The following PCDHA12 variants were observed in gnomAD, a reference collection of about 807,000 sequenced individuals.
PCDHA12 encodes protocadherin alpha-12.
Under a neutral mutation model 60.0 loss-of-function variants are expected in PCDHA12, and 44 were observed. The observed-to-expected ratio is 0.73, with a 90% CI of 0.58 to 0.94. The LOEUF is 0.94. Among genes scored for constraint, PCDHA12 ranks in the 40% least tolerant of loss-of-function variants. PCDHA12 has a pLI of 0.00. For missense variants in PCDHA12, 1,276 were observed against 1,239.7 expected (o/e 1.03, Z -0.44); for synonymous variants, 569 against 553.0 (o/e 1.03, Z -0.40).
chr5:140,988,707 G>A (rs2097310016), intron 3 of PCDHA12, among the ~76,000 whole-genome samples: 1 of 152,106 alleles, frequency 6.6e-6, no homozygotes, highest in African/African-American at 2.4e-5. Context: ...TATTTTCTTG[G>A]ACCTCTCATT....
At chr5:140,969,232 C>G in intron 1 of PCDHA12, 1 of 1,614,066 alleles carries the variant, frequency 6.2e-7, no homozygotes, top group Non-Finnish European at 8.5e-7. Flanking sequence ...CTTCGGGAGC[C>G]CAAGCAGCAG....
chr5:140,879,578 A>G (rs1298190690), intron 1 of PCDHA12, among the ~76,000 whole-genome samples: 4 of 152,244 alleles, frequency 2.6e-5, no homozygotes, highest in African/African-American at 9.6e-5. Context: ...AATTGCCAAG[A>G]CAGACATTGA....
chr5:140,978,188 C>A (rs1480380395), intron 1 of PCDHA12, among the ~76,000 whole-genome samples: 2 of 152,176 alleles, frequency 1.3e-5, no homozygotes, highest in Non-Finnish European at 2.9e-5. Context: ...GGCAACAGAT[C>A]TTTTCAATAC....
At chr5:140,968,660 C>T in intron 1 of PCDHA12, 1 of 1,614,166 alleles carries the variant, frequency 6.2e-7, no homozygotes, top group Non-Finnish European at 8.5e-7. Flanking sequence ...TGACCTGGAC[C>T]TCTTTAAGGT....
chr5:140,891,330 T>C (rs995602420), intron 1 of PCDHA12, among the ~76,000 whole-genome samples: 1 of 152,108 alleles, frequency 6.6e-6, no homozygotes, highest in Non-Finnish European at 1.5e-5. Flanking sequence ...TGGTGGTGAT[T>C]TGTGAGATTT....
rs528377796 is a variant in PCDHA12, at chr5:140,957,777, T to G, written c.2368-21172T>G. The stretch of plus-strand genomic sequence containing the variant: ...TTCATTATATATGTTAAGTAAAAAC[T>G]AAGTTCATCATATATGTTAAGTAAA... On this transcript the variant is annotated intron_variant, in intron 1 of 3. Coordinates refer to ENST00000398631, the MANE Select transcript of PCDHA12 (RefSeq NM_018903.4). 8.5e-5 allele frequency among the ~76,000 whole-genome samples: 13 copies of G among 152,182 alleles called. No individual in the cohort carries two copies. The South Asian group carries it at 1.7e-3, about 19-fold the overall frequency.
In PCDHA12 at chr5:140,876,256, A is replaced by G. The variant is rs1554168418; in HGVS notation, c.784A>G (p.Ile262Val). The G allele has an allele frequency of 6.2e-7, 1 of 1,614,042 alleles. No homozygotes were observed. The highest frequency in any genetic ancestry group is 2.2e-5 in the East Asian group (1 of 44,890). ...SENVQNDTRVIQLNASDPDEG... is the reference protein window; with the variant it reads ...SENVQNDTRVVQLNASDPDEG... ...AAATGTCCAAAACGACACAAGAGTG[A>G]TCCAACTAAATGCTTCCGATCCAGA... Residue 262 changes from isoleucine (I) to valine (V), a missense_variant, in exon 1 of 4, where the codon ATC becomes GTC. Physicochemically the swap from Ile to Val is conservative, Grantham distance 29 (BLOSUM62 3). Coordinates refer to ENST00000398631, the MANE Select transcript of PCDHA12 (RefSeq NM_018903.4).
intron 1 of PCDHA12, among the ~76,000 whole-genome samples, chr5:140,893,814 T>C (rs1254433414): frequency 6.6e-6 from 1 of 152,204 alleles, no homozygotes; most frequent in Non-Finnish European, 1.5e-5. Flanking sequence ...TTGAGTCTGG[T>C]ACCGTAGACT....
intron 3 of PCDHA12, among the ~76,000 whole-genome samples, chr5:141,000,387 CTCTCTCTCTATATA>C (rs1446529556): frequency 4.5e-4 from 30 of 66,870 alleles, no homozygotes; most frequent in African/African-American, 1.4e-3. Flanking sequence ...CTCTCTCTCT[CTCTCTCTCTATATA>C]TATATATATA....
chr5:140,950,981 TG>T (rs1443074941), intron 1 of PCDHA12, among the ~76,000 whole-genome samples: 1 of 152,138 alleles, frequency 6.6e-6, no homozygotes, highest in East Asian at 1.9e-4. Context: ...CATTGACTTT[TG>T]CCTCTTTTAG....
chr5:140,908,208 C>A (rs1477430085), intron 1 of PCDHA12, among the ~76,000 whole-genome samples: 8 of 152,136 alleles, frequency 5.3e-5, no homozygotes, highest in Non-Finnish European at 1.0e-4. Context: ...TCATGCAGAA[C>A]CATCTGTGAA....
intron 1 of PCDHA12, among the ~76,000 whole-genome samples, chr5:140,944,325 T>C (rs1179163685): frequency 1.3e-5 from 2 of 152,196 alleles, no homozygotes; most frequent in East Asian, 3.9e-4. Context: ...GTAGCTGGGA[T>C]TACAAGCACG....
intron 1 of PCDHA12, among the ~76,000 whole-genome samples, chr5:140,881,841 C>T (rs1386401088): frequency 6.6e-6 from 1 of 152,182 alleles, no homozygotes; most frequent in East Asian, 1.9e-4. Context: ...GCATGGAATT[C>T]TTACACATGG....
At chr5:140,941,248 T>TTTCTTTCG (rs1563187616) in intron 1 of PCDHA12, among the ~76,000 whole-genome samples, 2 of 141,492 alleles carry the variant, frequency 1.4e-5, no homozygotes, top group Non-Finnish European at 3.1e-5. Context: ...TCTTTCTTTC[T>TTTCTTTCG]TTCTTTCTCT....
intron 1 of PCDHA12, chr5:140,882,663 T>C (rs782768442): frequency 4.0e-5 from 65 of 1,614,026 alleles, no homozygotes; most frequent in Non-Finnish European, 5.3e-5. Flanking sequence ...AACCCGCCCA[T>C]ATTCCCTGAA....
chr5:140,884,745 A>G (rs1479357916), intron 1 of PCDHA12: 20 of 1,431,734 alleles, frequency 1.4e-5, no homozygotes, highest in Non-Finnish European at 1.7e-5. Context: ...TTTCCTGCCA[A>G]TTTCAAATTA....
At chr5:140,950,080 C>G (rs528804395) in intron 1 of PCDHA12, among the ~76,000 whole-genome samples, 2 of 151,836 alleles carry the variant, frequency 1.3e-5, no homozygotes, top group Admixed American at 1.3e-4. Context: ...ATTGCTTATG[C>G]TATAGTTTTC....
At chr5:140,921,277 A>G (rs1554200163) in intron 1 of PCDHA12, among the ~76,000 whole-genome samples, 1 of 152,210 alleles carries the variant, frequency 6.6e-6, no homozygotes, top group Non-Finnish European at 1.5e-5. Flanking sequence ...ACTTACTTGA[A>G]AAAAACCTCA....
intron 1 of PCDHA12, among the ~76,000 whole-genome samples, chr5:140,951,019 G>A (rs555662052): frequency 2.0e-5 from 3 of 152,114 alleles, no homozygotes; most frequent in African/African-American, 7.2e-5. Context: ...ATCAGGCAGT[G>A]AGTTTTAATT....
Sources: allele counts gnomAD v4.1 joint callset (sites outside exome capture counted in the v4.1 genomes callset), GRCh38; gene constraint gnomAD v4.1.1; transcripts MANE v1.5; gene names NCBI Gene and HGNC (gene_info 2026-07-23, HGNC 2026-07-21).